ZMYM4: variants seen among roughly 807,000 people sequenced by gnomAD.
ZMYM4 encodes zinc finger MYM-type containing 4.
A neutral mutation model predicts 183.2 loss-of-function variants in ZMYM4; 31 were observed. That is an observed-to-expected ratio of 0.17 (90% CI 0.13 to 0.23). ZMYM4 has a LOEUF of 0.23. Ranked by LOEUF, ZMYM4 falls within the 10% of genes least tolerant of loss-of-function variation. ZMYM4 has a pLI of 1.00. For missense variants in ZMYM4, 1,273 were observed against 1,840.3 expected (o/e 0.69, Z 5.64); for synonymous variants, 592 against 631.2 (o/e 0.94, Z 0.93).
chr1:35,368,133 C>A (rs1289543660), intron 5 of ZMYM4, among the ~76,000 whole-genome samples: 1 of 125,594 alleles, frequency 8.0e-6, no homozygotes, highest in Admixed American at 1.0e-4. Context: ...TGAACATTGC[C>A]ACATTCATTC....
intron 1 of ZMYM4, among the ~76,000 whole-genome samples, chr1:35,277,011 T>C (rs1345483638): frequency 1.3e-5 from 2 of 152,230 alleles, no homozygotes; most frequent in African/African-American, 4.8e-5. Flanking sequence ...ACATTTTGGA[T>C]TTGGCTGATT....
chr1:35,330,318 A>C (rs201655799), intron 2 of ZMYM4, among the ~76,000 whole-genome samples: 1 of 152,192 alleles, frequency 6.6e-6, no homozygotes, highest in East Asian at 1.9e-4. Flanking sequence ...AGAAGCCCAG[A>C]TGATAATATG....
At chr1:35,318,783 T>A (rs1423887826) in intron 1 of ZMYM4, among the ~76,000 whole-genome samples, 1 of 152,174 alleles carries the variant, frequency 6.6e-6, no homozygotes, top group Non-Finnish European at 1.5e-5. Flanking sequence ...TTTTTACAAA[T>A]AAATAAAACC....
chr1:35,368,833 G>A (rs1340036542), intron 5 of ZMYM4, among the ~76,000 whole-genome samples: 3 of 152,130 alleles, frequency 2.0e-5, no homozygotes, highest in African/African-American at 7.2e-5. Flanking sequence ...TGCCATTGGA[G>A]CCGGAGGCAG....
At chr1:35,349,820 A>G (rs1358505527) in intron 2 of ZMYM4, among the ~76,000 whole-genome samples, 2 of 148,430 alleles carry the variant, frequency 1.3e-5, no homozygotes, top group South Asian at 2.2e-4. Context: ...ACAGAGCCAG[A>G]CTCTGTCTTT....
At position 35,408,139 on chromosome 1, in the gene ZMYM4, T is replaced by A. The variant is rs1295861925; in HGVS notation, c.3928T>A (p.Leu1310Met). The A allele has an allele frequency of 6.2e-7, 1 of 1,614,176 alleles. No individual in the cohort carries two copies. Among genetic ancestry groups the A allele is most frequent in the East Asian group, 2.2e-5 (1 of 44,880 alleles). ...EKYDPDSILY[L>M]CLGIQQYLFE... ...ATATGATCCAGACAGTATCTTATAC[T>A]TGTGCCTTGGAATTCAACAGGTATC... Residue 1310 changes from leucine (L) to methionine (M), a missense_variant, in exon 26 of 30, where the codon TTG (leucine) becomes ATG (methionine). Leu to Met is a conservative substitution (Grantham distance 15, BLOSUM62 2). This residue lies in a region of ZMYM4 where 145 missense variants were observed against 331.6 expected (regional missense o/e 0.44). Coordinates refer to ENST00000314607, the MANE Select transcript of ZMYM4 (RefSeq NM_005095.3).
intron 2 of ZMYM4, among the ~76,000 whole-genome samples, chr1:35,338,097 A>G (rs969942505): frequency 1.2e-4 from 19 of 152,124 alleles, no homozygotes; most frequent in African/African-American, 4.3e-4. Flanking sequence ...ACATGTGAAA[A>G]TCATTCTTAG....
intron 2 of ZMYM4, among the ~76,000 whole-genome samples, chr1:35,335,469 A>G (rs889550964): frequency 7.1e-4 from 108 of 152,096 alleles, no homozygotes; most frequent in African/African-American, 2.5e-3. Flanking sequence ...ACTCCTGACC[A>G]GGACTCTTGA....
chr1:35,319,688 C>T (rs1231647248), intron 1 of ZMYM4, among the ~76,000 whole-genome samples: 1 of 152,072 alleles, frequency 6.6e-6, no homozygotes, highest in Non-Finnish European at 1.5e-5. Flanking sequence ...TAAAAATCAT[C>T]AGGATTAATA....
chr1:35,370,566 A>T lies in ZMYM4; in HGVS notation c.1120A>T (p.Thr374Ser), dbSNP rs771903209. 1 of 1,612,952 alleles carries T rather than the reference A, an allele frequency of 6.2e-7. No individual in the cohort carries two copies. The highest frequency in any genetic ancestry group is 1.3e-5 in the African/African-American group (1 of 74,786). Residue 374 changes from threonine (T) to serine (S), a missense_variant, in exon 7 of 30, where the codon ACA (threonine) becomes TCA (serine). Thr to Ser is a moderately conservative substitution (Grantham distance 58). Transcript: ENST00000314607. ...CTCCACACTGTGCCTCACTGGATAT[A>T]CAGTTCCACCTGCCCGCCCACCGCC... ...FCSTLCLTGY[T>S]VPPARPPPPL...
At chr1:35,404,012 G>A (rs889808528) in intron 23 of ZMYM4, among the ~76,000 whole-genome samples, 4 of 152,186 alleles carry the variant, frequency 2.6e-5, no homozygotes, top group Non-Finnish European at 5.9e-5. Context: ...GGGATTACAG[G>A]CATGAGCCAC....
chr1:35,277,786 A>G (rs1397269790), intron 1 of ZMYM4, among the ~76,000 whole-genome samples: 1 of 152,150 alleles, frequency 6.6e-6, no homozygotes, highest in East Asian at 1.9e-4. Context: ...AGTAATTTTC[A>G]GAAAAATGAA....
intron 5 of ZMYM4, among the ~76,000 whole-genome samples, chr1:35,363,747 A>G (rs1644001655): frequency 6.6e-6 from 1 of 152,234 alleles, no homozygotes. Context: ...AGAAGCAGGT[A>G]ATGGAGATCT....
At chr1:35,371,384 G>A (rs1215270924) in intron 7 of ZMYM4, among the ~76,000 whole-genome samples, 1 of 152,052 alleles carries the variant, frequency 6.6e-6, no homozygotes, top group Admixed American at 6.6e-5. Context: ...CCAAAGTGCT[G>A]GGATTACAGG....
Position 35,421,144 on chromosome 1 carries a change from T to G in ZMYM4, c.*1467T>G, listed in dbSNP as rs1640313334. 1 of 152,608 alleles carries G rather than the reference T, an allele frequency of 6.6e-6. No homozygotes were observed. The highest frequency in any genetic ancestry group is 1.5e-5 in the Non-Finnish European group (1 of 68,030). The allele number at this position is 152,608 out of a possible 1,614,324, so 9.5% of individuals were successfully genotyped here. A position where few individuals can be genotyped will look rare whatever the true frequency, so the allele number is the denominator to read the frequency against. On this transcript the variant is annotated 3_prime_UTR_variant, in exon 30 of 30. Transcript: ENST00000314607. ...TGAAAGACTTTTCAGGGTATCTCAT[T>G]TTTTAGGTGGGGGTGGCAGGTGTAT...
In ZMYM4 at chr1:35,340,467, C is replaced by A. The variant is rs573556078; in HGVS notation, c.85+15062C>A. On this transcript the variant is annotated intron_variant, in intron 2 of 29. Coordinates refer to ENST00000314607, the MANE Select transcript of ZMYM4 (RefSeq NM_005095.3). ...ATATAATGAAAATAATTATACAGCA[C>A]ATTATAATGTAGAATCAGTGGGAAC... is the stretch of plus-strand genomic sequence containing the variant. 2.6e-5 allele frequency among the ~76,000 whole-genome samples: 4 copies of A among 151,934 alleles called. No homozygotes were observed. The East Asian group carries it at 7.7e-4, about 29-fold the overall frequency.
At chr1:35,369,098 G>C (rs1163383564) in intron 5 of ZMYM4, among the ~76,000 whole-genome samples, 1 of 151,834 alleles carries the variant, frequency 6.6e-6, no homozygotes, top group Non-Finnish European at 1.5e-5. Context: ...GTAATGTGCC[G>C]ACAACTCCCC....
chr1:35,376,566 C>T (rs574546801), intron 7 of ZMYM4, among the ~76,000 whole-genome samples: 3 of 152,176 alleles, frequency 2.0e-5, no homozygotes, highest in African/African-American at 4.8e-5. Context: ...ACTTTGTTGC[C>T]AGGCTGGAAT....
intron 1 of ZMYM4, among the ~76,000 whole-genome samples, chr1:35,324,726 G>T (rs562883619): frequency 3.3e-5 from 5 of 152,314 alleles, no homozygotes; most frequent in Non-Finnish European, 5.9e-5. Context: ...AGGCAGGGAA[G>T]CAGGAACCTC....
Sources: allele counts gnomAD v4.1 joint callset (sites outside exome capture counted in the v4.1 genomes callset), GRCh38; gene constraint gnomAD v4.1.1; regional missense constraint gnomAD v4.1.1; transcripts MANE v1.5; gene names NCBI Gene and HGNC (gene_info 2026-07-23, HGNC 2026-07-21).